The following LNX2 variants were observed in gnomAD, a reference collection of about 807,000 sequenced individuals.
LNX2 encodes the protein ligand of numb-protein X 2, also known as ligand of Numb protein X 2.
A neutral mutation model predicts 66.2 loss-of-function variants in LNX2; 35 were observed. The observed-to-expected ratio is 0.53, with a 90% confidence interval of 0.40 to 0.70. The LOEUF (loss-of-function observed/expected upper bound fraction) is 0.70. Among genes scored for constraint, LNX2 ranks in the 30% least tolerant of loss-of-function variants. LNX2 has a pLI of 0.00. For synonymous variants in LNX2, 337 were observed against 315.6 expected (o/e 1.07, Z -0.72); for missense variants, 791 against 850.8 (o/e 0.93, Z 0.87).
rs375330029 is a variant in LNX2 at position 27,559,843 on chromosome 13, T to A, written c.1367A>T (p.Lys456Met). 3.2e-6 allele frequency: 5 copies of A among 1,552,048 alleles called. No individual in the cohort carries two copies. Among genetic ancestry groups the A allele is most frequent in the Non-Finnish European group, 4.4e-6 (5 of 1,147,448 alleles). ...PPYYSRPSSH[K>M]DLTQCVTCQE... Reference sequence around the variant, plus strand: ...ATAAAAAAAAAAAAAAATCCTCACCTTATGTGAGCTTGGTCTGCTATAATA... The same window carrying A: ...ATAAAAAAAAAAAAAAATCCTCACCATATGTGAGCTTGGTCTGCTATAATA... The change falls in exon 6 of 10, where the codon AAG becomes ATG. Residue 456 changes from lysine to methionine, a missense_variant and splice_region_variant. By Grantham distance (95) the Lys-to-Met change is moderately conservative. Coordinates refer to ENST00000316334, the MANE Select transcript of LNX2 (RefSeq NM_153371.4).
At chr13:27,577,800 A>G (rs761804057) in intron 2 of LNX2, among the ~76,000 whole-genome samples, 1 of 152,242 alleles carries the variant, frequency 6.6e-6, no homozygotes, top group Non-Finnish European at 1.5e-5. Flanking sequence ...AACAACAACT[A>G]GCACTTACAA....
At chr13:27,568,942 T>C in intron 3 of LNX2, 87 bp downstream of exon 3, 3 of 1,382,194 alleles carry the variant, frequency 2.2e-6, no homozygotes, top group Non-Finnish European at 2.9e-6. Flanking sequence ...TAAATTTTTC[T>C]TTAAAGATGA....
intron 1 of LNX2, among the ~76,000 whole-genome samples, chr13:27,590,641 C>G (rs775631279): frequency 5.9e-5 from 9 of 152,046 alleles, no homozygotes; most frequent in Non-Finnish European, 8.8e-5. Flanking sequence ...TGCCCCAGAG[C>G]CAATCTTATA....
intron 4 of LNX2, 26 bp from the exon 5 acceptor site, chr13:27,562,807 G>A (rs778497201): frequency 1.9e-6 from 3 of 1,584,536 alleles, no homozygotes; most frequent in South Asian, 2.3e-5. Flanking sequence ...TGTGACCGAA[G>A]TGTGACAACC....
chr13:27,581,812 G>A lies in LNX2; in HGVS notation c.-100-9C>T. 3.6e-6 allele frequency: 3 copies of A among 826,966 alleles called. No individual in the cohort carries two copies. Among genetic ancestry groups the A allele is most frequent in the South Asian group, 4.7e-5 (2 of 42,956 alleles). 51.2% of individuals were successfully genotyped at this position (826,966 alleles called of 1,614,324 possible). A position where few individuals can be genotyped will look rare whatever the true frequency, so the allele number is the denominator to read the frequency against. ...AGTCAAGGTGTGTTTTTCTAGATAAGCAAAACAAACACATTAAAAAAGGTA... is the reference window on the plus strand; with the variant it reads ...AGTCAAGGTGTGTTTTTCTAGATAAACAAAACAAACACATTAAAAAAGGTA... On this transcript the variant is annotated splice_polypyrimidine_tract_variant and intron_variant, in intron 1 of 9. Transcript: ENST00000316334.
chr13:27,576,063 T>C (rs898210006), intron 2 of LNX2, among the ~76,000 whole-genome samples: 14 of 152,060 alleles, frequency 9.2e-5, no homozygotes, highest in Admixed American at 8.5e-4. Context: ...AGAAACATAA[T>C]CCAACTGTCT....
intron 8 of LNX2, among the ~76,000 whole-genome samples, chr13:27,552,477 A>G (rs189884458): frequency 1.4e-4 from 22 of 152,374 alleles, no homozygotes; most frequent in African/African-American, 5.0e-4. Context: ...ACTTGGTCAA[A>G]AGTCAAAATG....
At chr13:27,600,650 C>T (rs1396748041) in intron 1 of LNX2, among the ~76,000 whole-genome samples, 1 of 152,198 alleles carries the variant, frequency 6.6e-6, no homozygotes, top group Non-Finnish European at 1.5e-5. Context: ...GGGGCTTTCT[C>T]CCAACTCTGC....
intron 5 of LNX2, among the ~76,000 whole-genome samples, chr13:27,560,342 G>A (rs1483112011): frequency 6.6e-6 from 1 of 152,046 alleles, no homozygotes. Context: ...TTGCAAGACA[G>A]AGCAAAGGAA....
At chr13:27,590,050 T>C (rs985131682) in intron 1 of LNX2, among the ~76,000 whole-genome samples, 62 of 151,874 alleles carry the variant, frequency 4.1e-4, no homozygotes, top group African/African-American at 1.5e-3. Flanking sequence ...CCCGGGTTCA[T>C]GCCATTCTCC....
chr13:27,569,973 T>C (rs1955258081), intron 2 of LNX2, among the ~76,000 whole-genome samples: 1 of 152,220 alleles, frequency 6.6e-6, no homozygotes, highest in Non-Finnish European at 1.5e-5. Flanking sequence ...TTAACCTGTT[T>C]GTTTTTACTT....
In LNX2 at chr13:27,564,435, A is replaced by T. The variant is rs73446836; in HGVS notation, c.856-1654T>A. On this transcript the variant is annotated intron_variant, in intron 4 of 9. Transcript: ENST00000316334. ...TGAAAATGCCATTATTGATGACTTCATTAAACTGAAAATACTTATTCTTAA... is the reference window on the plus strand; with the variant it reads ...TGAAAATGCCATTATTGATGACTTCTTTAAACTGAAAATACTTATTCTTAA... Among the ~76,000 whole-genome samples, 1,391 of 152,306 alleles carry T rather than the reference A, an allele frequency of 9.1e-3. 21 individuals carry two copies. Among genetic ancestry groups the T allele is most frequent in the African/African-American group, 0.032 (1,331 of 41,552 alleles).
At position 27,546,039 on chromosome 13, in the gene LNX2, A is replaced by G. The variant is rs970726109; in HGVS notation, c.*2296T>C. Reference sequence around the variant, plus strand: ...CCAAAATATTTAACTATCAGAACTAAAAATGAGAAAATCCAAATAGTTCTA... The same window carrying G: ...CCAAAATATTTAACTATCAGAACTAGAAATGAGAAAATCCAAATAGTTCTA... On this transcript the variant is annotated 3_prime_UTR_variant, in exon 10 of 10. Coordinates refer to ENST00000316334, the MANE Select transcript of LNX2 (RefSeq NM_153371.4). 1 of 152,358 alleles carries G rather than the reference A, an allele frequency of 6.6e-6. No homozygotes were observed. The highest frequency in any genetic ancestry group is 1.5e-5 in the Non-Finnish European group (1 of 68,034). 9.4% of individuals were successfully genotyped at this position (152,358 alleles called of 1,614,324 possible). A position where few individuals can be genotyped will look rare whatever the true frequency, so the allele number is the denominator to read the frequency against.
chr13:27,554,237 G>A (rs1955034660), intron 7 of LNX2, among the ~76,000 whole-genome samples: 1 of 152,058 alleles, frequency 6.6e-6, no homozygotes, highest in Non-Finnish European at 1.5e-5. Flanking sequence ...TACTACAACT[G>A]GACAAATAAC....
At chr13:27,574,437 TTC>T (rs1955321067) in intron 2 of LNX2, among the ~76,000 whole-genome samples, 2 of 97,410 alleles carry the variant, frequency 2.1e-5, no homozygotes, top group Admixed American at 1.8e-4. Flanking sequence ...AGAAAAAGAA[TTC>T]ACTAGTTCAA....
rs1955434490 is a variant in LNX2, at chr13:27,583,234, GTGTGT to G, written c.-100-1436_-100-1432del. The stretch of plus-strand genomic sequence containing the variant: ...TGTGTGTGTGTGTGTGTGTGTGTGT[GTGTGT>G]GTGTGTGTGTGTGTGTGCGCGCGTC... On this transcript the variant is annotated intron_variant, in intron 1 of 9. Coordinates refer to ENST00000316334, the MANE Select transcript of LNX2 (RefSeq NM_153371.4). Among the ~76,000 whole-genome samples the G allele has an allele frequency of 1.3e-4, 3 of 23,020 alleles. 1 individual carries two copies. The highest frequency in any genetic ancestry group is 2.6e-4 in the Non-Finnish European group (3 of 11,628). The allele number at this position is 23,020 out of a possible 152,430, so 15.1% of individuals were successfully genotyped here.
chr13:27,562,982 T>C (rs898899294), intron 4 of LNX2, among the ~76,000 whole-genome samples: 6 of 152,194 alleles, frequency 3.9e-5, no homozygotes, highest in African/African-American at 1.4e-4. Flanking sequence ...TTACAGTGAC[T>C]AGCATCAAGG....
intron 1 of LNX2, among the ~76,000 whole-genome samples, chr13:27,587,745 G>A (rs1955503425): frequency 6.6e-6 from 1 of 151,692 alleles, no homozygotes; most frequent in African/African-American, 2.4e-5. Context: ...GCTGTCGCCA[G>A]GCGCGGTGGC....
intron 1 of LNX2, among the ~76,000 whole-genome samples, chr13:27,590,427 C>T (rs1212337710): frequency 1.3e-5 from 2 of 151,868 alleles, no homozygotes; most frequent in African/African-American, 4.8e-5. Context: ...CTATGTTGGT[C>T]AGGCTGGTCT....
Sources: allele counts gnomAD v4.1 joint callset (sites outside exome capture counted in the v4.1 genomes callset), GRCh38; gene constraint gnomAD v4.1.1; transcripts MANE v1.5; gene names NCBI Gene and HGNC (gene_info 2026-07-23, HGNC 2026-07-21).